The following NUBPL variants were observed in gnomAD, a reference collection of about 807,000 sequenced individuals.
NUBPL encodes the protein NUBP iron-sulfur cluster assembly factor, mitochondrial.
NUBPL carries 31 observed loss-of-function variants against 45.7 expected under a neutral mutation model. The observed-to-expected ratio is 0.68, with a 90% CI of 0.51 to 0.92. NUBPL has a LOEUF of 0.92. NUBPL is among the 40% of genes least tolerant of loss of function. NUBPL has a pLI of 0.00. For synonymous variants in NUBPL, 144 were observed against 140.9 expected (o/e 1.02, Z -0.15); for missense variants, 401 against 398.7 (o/e 1.01, Z -0.05).
chr14:31,690,189 C>T (rs2037061149), intron 6 of NUBPL, among the ~76,000 whole-genome samples: 1 of 152,070 alleles, frequency 6.6e-6, no homozygotes, highest in Non-Finnish European at 1.5e-5. Context: ...TTATTTTGTG[C>T]CAGTGCAGTT....
chr14:31,673,549 C>T lies in NUBPL; in HGVS notation c.488C>T (p.Ser163Leu), dbSNP rs781341998. The T allele has an allele frequency of 5.3e-5, 86 of 1,613,666 alleles. 1 individual carries two copies. The highest frequency in any genetic ancestry group is 5.0e-4 in the Middle Eastern group (3 of 6,056). The change falls in exon 6 of 11, where the codon TCG becomes TTG. Residue 163 changes from serine (S) to leucine (L), a missense_variant. Transcript: ENST00000281081. Reference protein sequence around the residue: ...PVVWRGLMVMSAIEKLLRQVD... With the variant: ...PVVWRGLMVMLAIEKLLRQVD... ...GTTTGGAGAGGCCTTATGGTAATGT[C>T]GGCCATTGAGAAATTGTTGAGGCAG...
chr14:31,665,982 G>T (rs1361839062), intron 4 of NUBPL, among the ~76,000 whole-genome samples: 1 of 151,706 alleles, frequency 6.6e-6, no homozygotes, highest in Non-Finnish European at 1.5e-5. Context: ...ATTATGTAAT[G>T]CTCTTATTTG....
chr14:31,572,674 T>C (rs1451048563), intron 3 of NUBPL, among the ~76,000 whole-genome samples: 1 of 152,214 alleles, frequency 6.6e-6, no homozygotes, highest in Non-Finnish European at 1.5e-5. Flanking sequence ...GTTCTTTTCC[T>C]GCTTCTTAAA....
intron 8 of NUBPL, among the ~76,000 whole-genome samples, chr14:31,830,395 GA>G: frequency 6.6e-6 from 1 of 152,146 alleles, no homozygotes; most frequent in East Asian, 1.9e-4. Context: ...TGAGATGCAT[GA>G]AAACACTTTT....
chr14:31,567,963 C>T (rs2033482381), intron 3 of NUBPL, among the ~76,000 whole-genome samples: 1 of 152,148 alleles, frequency 6.6e-6, no homozygotes, highest in Non-Finnish European at 1.5e-5. Flanking sequence ...GCTAATGTCA[C>T]CCTCTTTTGT....
intron 10 of NUBPL, among the ~76,000 whole-genome samples, chr14:31,854,753 C>T (rs751644977): frequency 6.6e-6 from 1 of 152,174 alleles, no homozygotes; most frequent in Non-Finnish European, 1.5e-5. Context: ...TTCAAGGCCC[C>T]AACTCTTCAC....
At chr14:31,695,085 G>A (rs1327499984) in intron 6 of NUBPL, among the ~76,000 whole-genome samples, 3 of 152,192 alleles carry the variant, frequency 2.0e-5, no homozygotes, top group African/African-American at 4.8e-5. Flanking sequence ...TTGACCATCA[G>A]GTTGGTAATA....
intron 4 of NUBPL, among the ~76,000 whole-genome samples, chr14:31,626,937 G>GGGA (rs1356006332): frequency 7.6e-6 from 1 of 130,732 alleles, no homozygotes; most frequent in East Asian, 2.4e-4. Context: ...ACATCATGAA[G>GGGA]GGAGTACATC....
intron 8 of NUBPL, among the ~76,000 whole-genome samples, chr14:31,841,920 T>TTGTTTTTTTTTTTTTTG (rs1232748747): frequency 1.2e-5 from 1 of 81,024 alleles, no homozygotes; most frequent in Non-Finnish European, 2.7e-5. Flanking sequence ...TTCTGGGCTT[T>TTGTTTTTTTTTTTTTTG]TTTTTTTTTT....
intron 4 of NUBPL, among the ~76,000 whole-genome samples, chr14:31,609,036 A>G (rs1432811627): frequency 6.6e-6 from 1 of 152,176 alleles, no homozygotes; most frequent in African/African-American, 2.4e-5. Flanking sequence ...AGACCACAAA[A>G]CAACCAGAAA....
intron 4 of NUBPL, among the ~76,000 whole-genome samples, chr14:31,628,673 A>G (rs978792442): frequency 6.6e-6 from 1 of 152,036 alleles, no homozygotes; most frequent in Non-Finnish European, 1.5e-5. Flanking sequence ...ATGATGTTCC[A>G]TGAAAAATGC....
intron 4 of NUBPL, among the ~76,000 whole-genome samples, chr14:31,637,669 G>A (rs1333039933): frequency 6.6e-6 from 1 of 152,190 alleles, no homozygotes; most frequent in African/African-American, 2.4e-5. Flanking sequence ...TCATTGATCT[G>A]TCTAATGTTG....
At chr14:31,583,888 G>A (rs1484029759) in intron 3 of NUBPL, among the ~76,000 whole-genome samples, 1 of 152,110 alleles carries the variant, frequency 6.6e-6, no homozygotes, top group Non-Finnish European at 1.5e-5. Context: ...GCTATTGCAG[G>A]TTCTTGACTG....
intron 6 of NUBPL, among the ~76,000 whole-genome samples, chr14:31,732,274 C>T (rs921947856): frequency 4.6e-5 from 7 of 151,870 alleles, no homozygotes; most frequent in Admixed American, 4.6e-4. Flanking sequence ...CCTCACTGTC[C>T]ACTCCTTTAA....
intron 4 of NUBPL, among the ~76,000 whole-genome samples, chr14:31,630,275 G>A (rs554069014): frequency 4.6e-5 from 7 of 152,094 alleles, no homozygotes; most frequent in Non-Finnish European, 7.4e-5. Context: ...TTTATTTTGG[G>A]CAAGTTGACT....
intron 3 of NUBPL, among the ~76,000 whole-genome samples, chr14:31,585,447 G>C (rs1199405797): frequency 6.6e-6 from 1 of 152,192 alleles, no homozygotes; most frequent in Non-Finnish European, 1.5e-5. Context: ...GATTTCATCA[G>C]TCGATGGACA....
At position 31,860,332 on chromosome 14, in the gene NUBPL, G is replaced by A. The variant is rs1389832534; in HGVS notation, c.*1152G>A. The A allele has an allele frequency of 1.3e-5, 2 of 150,316 alleles. No homozygotes were observed. Among genetic ancestry groups the A allele is most frequent in the Non-Finnish European group, 1.5e-5 (1 of 67,712 alleles). 9.3% of individuals were successfully genotyped at this position (150,316 alleles called of 1,614,324 possible). A position where few individuals can be genotyped will look rare whatever the true frequency, so the allele number is the denominator to read the frequency against. On this transcript the variant is annotated 3_prime_UTR_variant, in exon 11 of 11. Transcript: ENST00000281081. ...AAAAAAAAAAAAAAAAAAAAAGTCG[G>A]GGGAGATGCAATATTTAGCATTTCC...
intron 4 of NUBPL, among the ~76,000 whole-genome samples, chr14:31,616,540 A>G (rs566733717): frequency 1.3e-5 from 2 of 151,812 alleles, no homozygotes; most frequent in East Asian, 3.9e-4. Context: ...TCCTTTCCCC[A>G]TTGCTTGTTT....
At chr14:31,739,910 T>C (rs2038247278) in intron 6 of NUBPL, among the ~76,000 whole-genome samples, 1 of 152,212 alleles carries the variant, frequency 6.6e-6, no homozygotes, top group Non-Finnish European at 1.5e-5. Context: ...ATTCATACAG[T>C]ATGTAGACTT....
Sources: gnomAD v4.1 joint callset for allele counts (sites outside exome capture counted in the v4.1 genomes callset) on GRCh38, gnomAD v4.1.1 for gene constraint, MANE v1.5 for transcripts, NCBI Gene and HGNC (gene_info 2026-07-23, HGNC 2026-07-21) for gene names.